REEP3: variants seen among roughly 807,000 people sequenced by gnomAD.
REEP3 encodes the protein receptor expression-enhancing protein 3.
A neutral mutation model predicts 41.3 loss-of-function variants in REEP3; 20 were observed. That is an observed-to-expected ratio of 0.48 (90% CI 0.34 to 0.70). The LOEUF (loss-of-function observed/expected upper bound fraction) is 0.70. REEP3 is among the 30% of genes least tolerant of loss of function. The pLI, the probability that REEP3 is intolerant of heterozygous loss-of-function variation, is 0.01. For missense variants in REEP3, 271 were observed against 308.8 expected, an observed-to-expected ratio of 0.88 and a Z score of 0.92; for synonymous variants, 104 against 101.8, an observed-to-expected ratio of 1.02 and a Z score of -0.13.
At chr10:63,522,384 A>G (rs944621598) in intron 1 of REEP3, among the ~76,000 whole-genome samples, 1 of 152,150 alleles carries the variant, frequency 6.6e-6, no homozygotes, top group Non-Finnish European at 1.5e-5. Flanking sequence ...AAGAAAAAGA[A>G]ATTCCTTGAG....
At chr10:63,521,607 G>C in intron 1 of REEP3, 30 bp downstream of exon 1, 1 of 1,375,442 alleles carries the variant, frequency 7.3e-7, no homozygotes, top group Non-Finnish European at 9.6e-7. Flanking sequence ...CCCTGCAGCC[G>C]GCGCGAGGCC....
chr10:63,534,076 G>T (rs1955452194), intron 1 of REEP3, among the ~76,000 whole-genome samples: 1 of 151,898 alleles, frequency 6.6e-6, no homozygotes, highest in Non-Finnish European at 1.5e-5. Context: ...GAGAAAAATA[G>T]TCAGAAAGTT....
chr10:63,609,754 T>C (rs1956262727), intron 5 of REEP3, among the ~76,000 whole-genome samples: 1 of 152,026 alleles, frequency 6.6e-6, no homozygotes, highest in Non-Finnish European at 1.5e-5. Flanking sequence ...AGTGAGACTC[T>C]GTCTCTAAAT....
chr10:63,600,984 C>T (rs142569248), intron 5 of REEP3, among the ~76,000 whole-genome samples: 9,182 of 152,036 alleles, frequency 0.06, 478 homozygotes, highest in African/African-American at 0.13. Context: ...GAAACCCCGT[C>T]TCTACTAAAA....
intron 2 of REEP3, among the ~76,000 whole-genome samples, chr10:63,575,592 C>T (rs1955891358): frequency 6.6e-6 from 1 of 151,824 alleles, no homozygotes; most frequent in Admixed American, 6.6e-5. Context: ...TTCTCTTTCC[C>T]ATCTCTTTTT....
In REEP3 at chr10:63,558,086, A is replaced by G. The variant is rs923338812; in HGVS notation, c.33-8252A>G. Among the ~76,000 whole-genome samples, 60 of 152,236 alleles carry G rather than the reference A, an allele frequency of 3.9e-4. 1 individual carries two copies. The highest frequency in any genetic ancestry group is 1.4e-3 in the African/African-American group (59 of 41,456). ...TCTTATGGATTTTATAGAGCAGATTATTATAATATACTTCAAAAAAATCAA... is the reference window on the plus strand; with the variant it reads ...TCTTATGGATTTTATAGAGCAGATTGTTATAATATACTTCAAAAAAATCAA... On this transcript the variant is annotated intron_variant, in intron 1 of 7. Transcript: ENST00000373758.
chr10:63,588,488 C>G (rs192872210), intron 2 of REEP3, among the ~76,000 whole-genome samples: 131 of 152,154 alleles, frequency 8.6e-4, no homozygotes, highest in Admixed American at 4.8e-3. Flanking sequence ...ATGTACTCAT[C>G]ATGTTTTTAC....
intron 1 of REEP3, among the ~76,000 whole-genome samples, chr10:63,547,347 A>C (rs983811270): frequency 6.6e-6 from 1 of 152,244 alleles, no homozygotes; most frequent in Admixed American, 6.5e-5. Flanking sequence ...TCTTCATCAA[A>C]GACACCATTG....
At chr10:63,541,440 A>G (rs1488359151) in intron 1 of REEP3, among the ~76,000 whole-genome samples, 1 of 152,218 alleles carries the variant, frequency 6.6e-6, no homozygotes, top group Non-Finnish European at 1.5e-5. Context: ...TTTTTCTTAA[A>G]TAATCAGATG....
intron 1 of REEP3, among the ~76,000 whole-genome samples, chr10:63,528,974 A>G (rs907315741): frequency 3.3e-5 from 5 of 152,260 alleles, no homozygotes; most frequent in Admixed American, 6.5e-5. Flanking sequence ...AGTCTCCATG[A>G]GAGAAGTCTT....
At chr10:63,574,449 C>G (rs866263518) in intron 2 of REEP3, among the ~76,000 whole-genome samples, 9 of 152,172 alleles carry the variant, frequency 5.9e-5, no homozygotes, top group African/African-American at 2.2e-4. Context: ...AGTTATTTAA[C>G]CTTTCTGTGC....
intron 1 of REEP3, among the ~76,000 whole-genome samples, chr10:63,524,873 G>A (rs569524636): frequency 6.6e-6 from 1 of 152,096 alleles, no homozygotes; most frequent in Non-Finnish European, 1.5e-5. Flanking sequence ...TTAGCCGGGC[G>A]TGATGGCGCA....
In REEP3 at chr10:63,545,097, A is replaced by G. The variant is rs575377571; in HGVS notation, c.33-21241A>G. On this transcript the variant is annotated intron_variant, in intron 1 of 7. Coordinates refer to ENST00000373758, the MANE Select transcript of REEP3 (RefSeq NM_001001330.3). The stretch of plus-strand genomic sequence containing the variant: ...AAATACAAAGAAGACAGAATTAGCT[A>G]TTTGAAGCAAATGAAAAACTTTGCT... Among the ~76,000 whole-genome samples the G allele has an allele frequency of 2.0e-5, 3 of 152,318 alleles. No individual in the cohort carries two copies. In the South Asian group the frequency reaches 6.2e-4, roughly 32 times the overall value.
chr10:63,533,910 G>A (rs10995553), intron 1 of REEP3, among the ~76,000 whole-genome samples: 12,484 of 151,868 alleles, frequency 0.082, 1,054 homozygotes, highest in African/African-American at 0.21. Context: ...GTTTCACCAT[G>A]TTGGCCGGGC....
At chr10:63,560,160 T>C (rs1955727053) in intron 1 of REEP3, among the ~76,000 whole-genome samples, 2 of 152,116 alleles carry the variant, frequency 1.3e-5, no homozygotes, top group East Asian at 1.9e-4. Flanking sequence ...TAATAGGTAA[T>C]GGAGATTTAT....
At chr10:63,603,244 C>T (rs1331863323) in intron 5 of REEP3, among the ~76,000 whole-genome samples, 3 of 128,756 alleles carry the variant, frequency 2.3e-5, no homozygotes, top group Admixed American at 9.5e-5. Flanking sequence ...ACCCAGGAGG[C>T]GGAGCTTGCA....
At chr10:63,580,362 C>G (rs974794380) in intron 2 of REEP3, among the ~76,000 whole-genome samples, 1 of 152,104 alleles carries the variant, frequency 6.6e-6, no homozygotes, top group Non-Finnish European at 1.5e-5. Flanking sequence ...GTCTCAAACT[C>G]CTAGATTCAA....
intron 2 of REEP3, among the ~76,000 whole-genome samples, chr10:63,583,691 G>A (rs1010036486): frequency 3.9e-5 from 6 of 152,218 alleles, no homozygotes; most frequent in African/African-American, 1.4e-4. Context: ...TGGCTGTGTA[G>A]TCCAGTCTAT....
At chr10:63,614,559 G>T (rs1391976007) in intron 6 of REEP3, among the ~76,000 whole-genome samples, 2 of 152,182 alleles carry the variant, frequency 1.3e-5, no homozygotes, top group East Asian at 1.9e-4. Flanking sequence ...GGTCTCTAAG[G>T]GTGGTTGGAC....
Sources: allele counts gnomAD v4.1 joint callset (sites outside exome capture counted in the v4.1 genomes callset), GRCh38; gene constraint gnomAD v4.1.1; transcripts MANE v1.5; gene names NCBI Gene and HGNC (gene_info 2026-07-23, HGNC 2026-07-21).